The following CNST variants were observed in gnomAD, a reference collection of about 807,000 sequenced individuals.
The protein encoded by CNST is consortin.
A neutral mutation model predicts 72.4 loss-of-function variants in CNST; 39 were observed. The observed-to-expected ratio is 0.54, with a 90% CI of 0.42 to 0.70. The LOEUF is 0.70. Ranked by LOEUF, CNST falls within the 30% of genes least tolerant of loss-of-function variation. The pLI, the probability that CNST is intolerant of heterozygous loss-of-function variation, is 0.00. For synonymous variants in CNST, 332 were observed against 320.1 expected, an observed-to-expected ratio of 1.04 and a Z score of -0.40; for missense variants, 871 against 868.5, an observed-to-expected ratio of 1.00 and a Z score of -0.04.
At chr1:246,639,836 C>CA (rs2103116517) in intron 6 of CNST, among the ~76,000 whole-genome samples, 1 of 152,258 alleles carries the variant, frequency 6.6e-6, no homozygotes, top group South Asian at 2.1e-4. Flanking sequence ...AAAATGGCGT[C>CA]AGCCCCACAT....
chr1:246,593,319 CTT>C (rs74163465), intron 2 of CNST, among the ~76,000 whole-genome samples: 10 of 143,262 alleles, frequency 7.0e-5, no homozygotes, highest in Admixed American at 2.8e-4. Flanking sequence ...GATATGAAAG[CTT>C]TTTTTTTTTT....
intron 9 of CNST, among the ~76,000 whole-genome samples, chr1:246,659,282 A>G (rs1014833284): frequency 2.6e-5 from 4 of 152,040 alleles, no homozygotes; most frequent in African/African-American, 9.7e-5. Flanking sequence ...TAGTTTGCCA[A>G]CCTCTGCATA....
At chr1:246,633,064 AAC>A (rs1664877114) in intron 4 of CNST, among the ~76,000 whole-genome samples, 1 of 152,204 alleles carries the variant, frequency 6.6e-6, no homozygotes, top group African/African-American at 2.4e-5. Context: ...TGAGCATTAA[AAC>A]CTTCTTTTAG....
At chr1:246,622,243 A>T (rs1664142643) in intron 3 of CNST, among the ~76,000 whole-genome samples, 1 of 152,224 alleles carries the variant, frequency 6.6e-6, no homozygotes, top group Non-Finnish European at 1.5e-5. Flanking sequence ...ACCCTGCTGG[A>T]CATGGGTAAA....
At chr1:246,574,134 T>C (rs1304103130) in intron 1 of CNST, among the ~76,000 whole-genome samples, 3 of 152,312 alleles carry the variant, frequency 2.0e-5, no homozygotes, top group East Asian at 1.9e-4. Flanking sequence ...CCACTACTCC[T>C]GGGTTCACGC....
intron 2 of CNST, among the ~76,000 whole-genome samples, chr1:246,620,664 C>T (rs1664018355): frequency 7.4e-6 from 1 of 135,672 alleles, no homozygotes; most frequent in Non-Finnish European, 1.6e-5. Flanking sequence ...GTCGTGCATA[C>T]ACACGATGGG....
intron 1 of CNST, among the ~76,000 whole-genome samples, chr1:246,569,457 A>G (rs1659931466): frequency 1.3e-5 from 2 of 152,210 alleles, no homozygotes; most frequent in African/African-American, 4.8e-5. Flanking sequence ...GTCTTCCTAC[A>G]CTGAGAGTCT....
rs1572269179 is a variant in CNST, at chr1:246,668,263, C to A, written c.*2358C>A. On this transcript the variant is annotated 3_prime_UTR_variant, in exon 11 of 11. Coordinates refer to ENST00000366513, the MANE Select transcript of CNST (RefSeq NM_152609.3). ...TTCTGTCATTTGAAAGTACTGACAA[C>A]TATTTGTAACTAATCTTCCTTAAGA... 1 of 152,146 alleles carries A rather than the reference C, an allele frequency of 6.6e-6. No homozygotes were observed. Among genetic ancestry groups the A allele is most frequent in the South Asian group, 2.1e-4 (1 of 4,824 alleles). The allele number at this position is 152,146 out of a possible 1,614,324, so 9.4% of individuals were successfully genotyped here. A position where few individuals can be genotyped will look rare whatever the true frequency, so the allele number is the denominator to read the frequency against.
At chr1:246,582,890 C>T (rs901004736) in intron 1 of CNST, among the ~76,000 whole-genome samples, 5 of 152,292 alleles carry the variant, frequency 3.3e-5, no homozygotes, top group Non-Finnish European at 5.9e-5. Context: ...TCCTCCAGAC[C>T]GTGGCTGAAG....
intron 6 of CNST, among the ~76,000 whole-genome samples, chr1:246,636,795 G>A (rs1447977954): frequency 6.6e-6 from 1 of 152,098 alleles, no homozygotes; most frequent in African/African-American, 2.4e-5. Context: ...CCTCGACTAA[G>A]GTTCCACAAT....
chr1:246,631,035 C>G (rs1664745935), intron 3 of CNST, among the ~76,000 whole-genome samples: 1 of 152,156 alleles, frequency 6.6e-6, no homozygotes. Flanking sequence ...CGTGAGCCAC[C>G]ATGCCCGGCT....
At chr1:246,643,596 G>A (rs567262519) in intron 8 of CNST, among the ~76,000 whole-genome samples, 2 of 152,274 alleles carry the variant, frequency 1.3e-5, no homozygotes, top group South Asian at 2.1e-4. Flanking sequence ...GCTTTGATTC[G>A]CAGCTAGAAC....
chr1:246,637,459 G>A (rs1665363158), intron 6 of CNST, among the ~76,000 whole-genome samples: 1 of 152,240 alleles, frequency 6.6e-6, no homozygotes, highest in Non-Finnish European at 1.5e-5. Context: ...TTCCCGAGTG[G>A]CTCAGAGTCT....
intron 2 of CNST, among the ~76,000 whole-genome samples, chr1:246,600,648 C>T (rs1290794414): frequency 6.6e-6 from 1 of 152,048 alleles, no homozygotes; most frequent in Non-Finnish European, 1.5e-5. Flanking sequence ...CTTGATAATG[C>T]CATTTATTGA....
At chr1:246,574,757 CA>C (rs1455339945) in intron 1 of CNST, among the ~76,000 whole-genome samples, 1 of 151,972 alleles carries the variant, frequency 6.6e-6, no homozygotes, top group African/African-American at 2.4e-5. Flanking sequence ...ATATGTTACT[CA>C]AAAAAGGACA....
At chr1:246,602,029 A>ACC (rs1662320413) in intron 2 of CNST, among the ~76,000 whole-genome samples, 1 of 152,142 alleles carries the variant, frequency 6.6e-6, no homozygotes, top group Non-Finnish European at 1.5e-5. Flanking sequence ...GTAACACACC[A>ACC]CCTACTTATA....
chr1:246,579,552 T>G lies in CNST; in HGVS notation c.-51-11960T>G, dbSNP rs555046193. ...GGGAGGCCAAAACAGGAGGATCACT[T>G]GAGCCCAGGAGTTCAAGACCAGCCC... On this transcript the variant is annotated intron_variant, in intron 1 of 10. Transcript: ENST00000366513. Among the ~76,000 whole-genome samples, 15 of 152,302 alleles carry G rather than the reference T, an allele frequency of 9.8e-5. No individual in the cohort carries two copies. In the South Asian group the frequency reaches 2.9e-3, roughly 29 times the overall value.
chr1:246,598,229 C>T (rs1172792312), intron 2 of CNST, among the ~76,000 whole-genome samples: 1 of 151,642 alleles, frequency 6.6e-6, no homozygotes, highest in Non-Finnish European at 1.5e-5. Context: ...AAGCCATCCA[C>T]CAGCTTTGGC....
intron 3 of CNST, among the ~76,000 whole-genome samples, chr1:246,626,941 G>C (rs1664479499): frequency 6.6e-6 from 1 of 152,150 alleles, no homozygotes; most frequent in Non-Finnish European, 1.5e-5. Flanking sequence ...CAAATGCCTT[G>C]AAGTGATACT....
Sources: gnomAD v4.1 joint callset for allele counts (sites outside exome capture counted in the v4.1 genomes callset) on GRCh38, gnomAD v4.1.1 for gene constraint, MANE v1.5 for transcripts, NCBI Gene and HGNC (gene_info 2026-07-23, HGNC 2026-07-21) for gene names.